PSKH2: variants seen among roughly 807,000 people sequenced by gnomAD.
PSKH2 encodes the protein serine/threonine-protein kinase H2.
A neutral mutation model predicts 22.5 loss-of-function variants in PSKH2; 16 were observed. That is an observed-to-expected ratio of 0.71 (90% CI 0.48 to 1.08). The LOEUF (loss-of-function observed/expected upper bound fraction) is 1.08, where lower values mean the gene tolerates loss of function less well. PSKH2 is among the 50% of genes least tolerant of loss of function. The pLI is 0.00. For synonymous variants in PSKH2, 188 were observed against 184.8 expected (o/e 1.02, Z -0.14); for missense variants, 516 against 492.8 (o/e 1.05, Z -0.44).
chr8:86,062,104 G>C (rs927995497), intron 2 of PSKH2, among the ~76,000 whole-genome samples: 1 of 152,088 alleles, frequency 6.6e-6, no homozygotes, highest in Non-Finnish European at 1.5e-5. Flanking sequence ...CCATGCAAAC[G>C]TTTTCCCACA....
At chr8:86,062,443 C>A (rs1011458648) in intron 2 of PSKH2, among the ~76,000 whole-genome samples, 3 of 152,164 alleles carry the variant, frequency 2.0e-5, no homozygotes, top group African/African-American at 7.2e-5. Context: ...TGTGTCCCCA[C>A]CCAAATCTCA....
chr8:86,067,319 G>A (rs1271476721), intron 1 of PSKH2, among the ~76,000 whole-genome samples: 1 of 151,578 alleles, frequency 6.6e-6, no homozygotes, highest in African/African-American at 2.4e-5. Flanking sequence ...CATGAATGGT[G>A]ACCAACTTTA....
intron 2 of PSKH2, among the ~76,000 whole-genome samples, chr8:86,049,750 C>A (rs6988949): frequency 0.051 from 3,421 of 67,032 alleles, 356 homozygotes; most frequent in Middle Eastern, 0.071. Context: ...AAGAAAGAAA[C>A]GAAAGAAAGA....
At chr8:86,051,431 C>CT (rs1015150574) in intron 2 of PSKH2, among the ~76,000 whole-genome samples, 3 of 152,010 alleles carry the variant, frequency 2.0e-5, no homozygotes, top group African/African-American at 4.8e-5. Context: ...AAGAACTCTT[C>CT]TTTTTTTTCC....
intron 2 of PSKH2, among the ~76,000 whole-genome samples, chr8:86,050,608 C>A (rs1817616534): frequency 6.6e-6 from 1 of 152,176 alleles, no homozygotes; most frequent in Non-Finnish European, 1.5e-5. Flanking sequence ...TGTGCCTCAG[C>A]CTCATCCTGT....
At chr8:86,050,987 C>T (rs1817622611) in intron 2 of PSKH2, among the ~76,000 whole-genome samples, 1 of 152,088 alleles carries the variant, frequency 6.6e-6, no homozygotes, top group South Asian at 2.1e-4. Context: ...CTCAAGCCAT[C>T]CTCCTGCCTC....
chr8:86,064,595 G>T lies in PSKH2; in HGVS notation c.222C>A (p.Phe74Leu). 6.2e-7 allele frequency: 1 copy of T among 1,613,642 alleles called. No homozygotes were observed. The highest frequency in any genetic ancestry group is 8.5e-7 in the Non-Finnish European group (1 of 1,179,880). ...TCTGCTCTACCCTGACAACCCTGCT[G>T]AAACTGCCTGTCCCAATAAGAGCTT... Reference protein sequence around the residue: ...DIKALIGTGSFSRVVRVEQKT... With the variant: ...DIKALIGTGSLSRVVRVEQKT... The change falls in exon 2 of 3, where the codon TTC becomes TTA. Residue 74 changes from phenylalanine to leucine, a missense_variant. Phe to Leu is a conservative substitution (Grantham distance 22). Transcript: ENST00000276616.
chr8:86,069,561 T>A lies in PSKH2; in HGVS notation c.62A>T (p.His21Leu), dbSNP rs901429054. 1.2e-6 allele frequency: 2 copies of A among 1,607,536 alleles called. No homozygotes were observed. Among genetic ancestry groups the A allele is most frequent in the Non-Finnish European group, 1.7e-6 (2 of 1,178,076 alleles). Residue 21 changes from histidine (H) to leucine (L), a missense_variant, in exon 1 of 3, where the codon CAC becomes CTC. His to Leu is a moderately conservative substitution (Grantham distance 99). Coordinates refer to ENST00000276616, the MANE Select transcript of PSKH2 (RefSeq NM_033126.3). Reference sequence around the variant, plus strand: ...GACGCCGGCTTGGTTTTGACCTTCGTGCTTGGCCCAAGCCAGCGCTGGTGG... The same window carrying A: ...GACGCCGGCTTGGTTTTGACCTTCGAGCTTGGCCCAAGCCAGCGCTGGTGG... ...PGPPALAWAK[H>L]EGQNQAGVGG...
At chr8:86,056,626 C>T (rs910642432) in intron 2 of PSKH2, among the ~76,000 whole-genome samples, 1 of 152,140 alleles carries the variant, frequency 6.6e-6, no homozygotes, top group African/African-American at 2.4e-5. Flanking sequence ...AACTTTCAGT[C>T]CTAGTCTCCC....
At chr8:86,060,738 G>A (rs1379202858) in intron 2 of PSKH2, among the ~76,000 whole-genome samples, 1 of 152,114 alleles carries the variant, frequency 6.6e-6, no homozygotes, top group Non-Finnish European at 1.5e-5. Context: ...ACAGACATGG[G>A]GAGGGAAATC....
chr8:86,068,224 T>C (rs1817892092), intron 1 of PSKH2, among the ~76,000 whole-genome samples: 1 of 152,210 alleles, frequency 6.6e-6, no homozygotes, highest in Non-Finnish European at 1.5e-5. Context: ...AGGAAATGGC[T>C]CTGCATAGAT....
chr8:86,049,422 A>G (rs1253691831), intron 2 of PSKH2, among the ~76,000 whole-genome samples: 3 of 151,938 alleles, frequency 2.0e-5, no homozygotes, highest in Non-Finnish European at 4.4e-5. Flanking sequence ...AGCCAGGCAC[A>G]GTGGCACATG....
rs774225785 is a variant in PSKH2 at position 86,064,522 on chromosome 8, T to C, written c.295A>G (p.Arg99Gly). ...GACACGCACGCTTCTCTACCTTCCCTCTCTCTGGTTTCCATCACTTTTATT... is the reference window on the plus strand; with the variant it reads ...GACACGCACGCTTCTCTACCTTCCCCCTCTCTGGTTTCCATCACTTTTATT... ...FAIKVMETRE[R>G]EGREACVSEL... The change falls in exon 2 of 3, where the codon AGG (arginine) becomes GGG (glycine). Residue 99 changes from arginine to glycine, a missense_variant. Coordinates refer to ENST00000276616, the MANE Select transcript of PSKH2 (RefSeq NM_033126.3). 2.3e-5 allele frequency: 37 copies of C among 1,613,708 alleles called. No homozygotes were observed. Among genetic ancestry groups the C allele is most frequent in the Non-Finnish European group, 3.1e-5 (36 of 1,179,978 alleles).
At chr8:86,065,281 A>T (rs1817840601) in intron 1 of PSKH2, among the ~76,000 whole-genome samples, 1 of 152,204 alleles carries the variant, frequency 6.6e-6, no homozygotes, top group South Asian at 2.1e-4. Flanking sequence ...CTGTGAGCTC[A>T]GCCCCAGGCT....
At chr8:86,065,227 T>C (rs1286655988) in intron 1 of PSKH2, among the ~76,000 whole-genome samples, 1 of 152,218 alleles carries the variant, frequency 6.6e-6, no homozygotes, top group Non-Finnish European at 1.5e-5. Flanking sequence ...GGATCCCATA[T>C]CAGAAGACAG....
chr8:86,051,788 G>A (rs184952479), intron 2 of PSKH2, among the ~76,000 whole-genome samples: 4 of 152,274 alleles, frequency 2.6e-5, no homozygotes, highest in Admixed American at 2.6e-4. Flanking sequence ...TTATTAAGAT[G>A]ACCCCAAATG....
At chr8:86,069,815 C>T (rs1817922008), upstream of PSKH2, 1 of 596,894 alleles carries the variant, frequency 1.7e-6, no homozygotes, top group Non-Finnish European at 2.7e-6. Flanking sequence ...TCGCTGGTCA[C>T]CGTCTGTGTG....
Position 86,048,742 on chromosome 8 carries a change from G to C in PSKH2, c.878C>G (p.Ala293Gly). ...GEPWPSISHL[A>G]KDFIDKLLIL... The stretch of plus-strand genomic sequence containing the variant: ...CAGTAGTTTGTCTATAAAGTCCTTC[G>C]CCAAGTGGGAAATGCTTGGCCAAGG... The change falls in exon 3 of 3, where the codon GCG becomes GGG. Residue 293 changes from alanine to glycine, a missense_variant. Physicochemically the swap from Ala to Gly is moderately conservative, Grantham distance 60 (BLOSUM62 0). Coordinates refer to ENST00000276616, the MANE Select transcript of PSKH2 (RefSeq NM_033126.3). 1 of 1,609,734 alleles carries C rather than the reference G, an allele frequency of 6.2e-7. No individual in the cohort carries two copies. The highest frequency in any genetic ancestry group is 8.5e-7 in the Non-Finnish European group (1 of 1,176,866).
intron 2 of PSKH2, among the ~76,000 whole-genome samples, chr8:86,057,628 G>A (rs573224520): frequency 6.6e-6 from 1 of 152,138 alleles, no homozygotes; most frequent in African/African-American, 2.4e-5. Flanking sequence ...CTTATGATCC[G>A]CCCACCTCGC....
Sources: allele counts gnomAD v4.1 joint callset (sites outside exome capture counted in the v4.1 genomes callset), GRCh38; gene constraint gnomAD v4.1.1; transcripts MANE v1.5; gene names NCBI Gene and HGNC (gene_info 2026-07-23, HGNC 2026-07-21).